Variants in SLC7A14 observed in about 807,000 individuals in gnomAD.
SLC7A14 encodes gamma-aminobutyric acid transporter SLC7A14.
In SLC7A14, 37 loss-of-function variants were observed where a neutral mutation model predicts 60.2. That is an observed-to-expected ratio of 0.61 (90% confidence interval 0.47 to 0.81). The LOEUF is 0.81. Among genes scored for constraint, SLC7A14 ranks in the 30% least tolerant of loss-of-function variants. The probability of loss-of-function intolerance (pLI) is 0.00; values close to 1 mark genes in which losing one functional copy is unlikely to be tolerated. For missense variants in SLC7A14, 886 were observed against 982.7 expected, an observed-to-expected ratio of 0.90 and a Z score of 1.32; for synonymous variants, 399 against 395.8, an observed-to-expected ratio of 1.01 and a Z score of -0.10.
intron 2 of SLC7A14, among the ~76,000 whole-genome samples, chr3:170,510,438 C>G (rs1712943829): frequency 6.6e-6 from 1 of 151,486 alleles, no homozygotes; most frequent in Non-Finnish European, 1.5e-5. Flanking sequence ...TGTAACCAAC[C>G]TATCTGTTTA....
chr3:170,498,676 G>A lies in SLC7A14; in HGVS notation c.750C>T (p.Gly250=). ...TTTGGAACAAACTTACCCCTGACCA[G>A]CCGTGGGGCAAGAACTGGCCCTCCG... ...YWAEGQFLPH[G]WSGVLQGAAT... Residue 250 remains glycine (G), a synonymous_variant, in exon 4 of 8, where the codon GGC becomes GGT. Coordinates refer to ENST00000231706, the MANE Select transcript of SLC7A14 (RefSeq NM_020949.3). 1.2e-6 allele frequency: 2 copies of A among 1,614,156 alleles called. No individual in the cohort carries two copies. Among genetic ancestry groups the A allele is most frequent in the South Asian group, 1.1e-5 (1 of 91,082 alleles).
At chr3:170,559,780 T>C (rs1272981266) in intron 1 of SLC7A14, among the ~76,000 whole-genome samples, 1 of 152,236 alleles carries the variant, frequency 6.6e-6, no homozygotes, top group Non-Finnish European at 1.5e-5. Flanking sequence ...TGGGAAGTTA[T>C]ACTGCAGTTG....
chr3:170,463,426 T>C lies in SLC7A14; in HGVS notation c.*3629A>G, dbSNP rs1157401359. Reference sequence around the variant, plus strand: ...ACCTTTCCAGAGGAAGAAGGCCTTCTTCATATTTGACCCCCCACAGCACAT... The same window carrying C: ...ACCTTTCCAGAGGAAGAAGGCCTTCCTCATATTTGACCCCCCACAGCACAT... On this transcript the variant is annotated 3_prime_UTR_variant, in exon 8 of 8. Coordinates refer to ENST00000231706, the MANE Select transcript of SLC7A14 (RefSeq NM_020949.3). 2 of 152,198 alleles carry C rather than the reference T, an allele frequency of 1.3e-5. No homozygotes were observed. Among genetic ancestry groups the C allele is most frequent in the African/African-American group, 4.8e-5 (2 of 41,438 alleles). The allele number at this position is 152,198 out of a possible 1,614,324, so 9.4% of individuals were successfully genotyped here.
chr3:170,466,659 C>T lies in SLC7A14; in HGVS notation c.*396G>A, dbSNP rs1177835704. The T allele has an allele frequency of 1.2e-5, 2 of 162,852 alleles. No homozygotes were observed. The highest frequency in any genetic ancestry group is 2.7e-5 in the Non-Finnish European group (2 of 75,284). The allele number at this position is 162,852 out of a possible 1,614,324, so 10.1% of individuals were successfully genotyped here. On this transcript the variant is annotated 3_prime_UTR_variant, in exon 8 of 8. Coordinates refer to ENST00000231706, the MANE Select transcript of SLC7A14 (RefSeq NM_020949.3). ...CCTCGGGGAGCAGCACTCAGCCTGA[C>T]ATGCCAAGAACAGAGCTTTGTCCCC...
intron 1 of SLC7A14, among the ~76,000 whole-genome samples, chr3:170,558,882 C>T (rs1714560730): frequency 6.6e-6 from 1 of 152,108 alleles, no homozygotes; most frequent in South Asian, 2.1e-4. Context: ...AAGAGGTGGT[C>T]ATTCCTTCCT....
chr3:170,562,762 A>T (rs1483021173), intron 1 of SLC7A14, among the ~76,000 whole-genome samples: 2 of 151,976 alleles, frequency 1.3e-5, no homozygotes, highest in Non-Finnish European at 2.9e-5. Context: ...TTATTATTCC[A>T]TTTCTTTTTT....
rs945150830 is a variant in SLC7A14, at chr3:170,461,762, G to A, written c.*5293C>T. On this transcript the variant is annotated 3_prime_UTR_variant, in exon 8 of 8. Coordinates refer to ENST00000231706, the MANE Select transcript of SLC7A14 (RefSeq NM_020949.3). ...CCTCTCTCTCTTAGGATCTCCAGAG[G>A]TCTTTGCAGACACGTGGGTCCTCAG... The A allele has an allele frequency of 6.6e-6, 1 of 152,196 alleles. No individual in the cohort carries two copies. Among genetic ancestry groups the A allele is most frequent in the African/African-American group, 2.4e-5 (1 of 41,414 alleles). 9.4% of individuals were successfully genotyped at this position (152,196 alleles called of 1,614,324 possible). A position where few individuals can be genotyped will look rare whatever the true frequency, so the allele number is the denominator to read the frequency against.
intron 1 of SLC7A14, among the ~76,000 whole-genome samples, chr3:170,538,592 A>C (rs1713918674): frequency 6.6e-6 from 1 of 152,164 alleles, no homozygotes; most frequent in Non-Finnish European, 1.5e-5. Flanking sequence ...ACTCCAACAC[A>C]CCCAGCCTCA....
chr3:170,496,290 G>A (rs1353605758), intron 4 of SLC7A14: 30 of 978,440 alleles, frequency 3.1e-5, no homozygotes, highest in Non-Finnish European at 5.0e-5. Flanking sequence ...GATCAAGTAT[G>A]CAGAGCTGCA....
rs529277743 is a variant in SLC7A14 at position 170,568,900 on chromosome 3, G to T, written c.-153+17011C>A. Among the ~76,000 whole-genome samples the T allele has an allele frequency of 7.7e-4, 118 of 152,322 alleles. 1 individual carries two copies. The highest frequency in any genetic ancestry group is 2.8e-3 in the African/African-American group (115 of 41,572). On this transcript the variant is annotated intron_variant, in intron 1 of 7. Coordinates refer to ENST00000231706, the MANE Select transcript of SLC7A14 (RefSeq NM_020949.3). ...TGCTGAAGTTGCTTATCAGCTTAAG[G>T]AGATTTTGGGCTGAGACAGTGGGAT...
intron 4 of SLC7A14, among the ~76,000 whole-genome samples, chr3:170,487,431 G>A (rs376360396): frequency 9.9e-5 from 15 of 151,838 alleles, no homozygotes; most frequent in African/African-American, 3.4e-4. Context: ...GAGGGAAAAA[G>A]AAGCAAGCCC....
intron 6 of SLC7A14, among the ~76,000 whole-genome samples, chr3:170,482,133 C>G (rs1167496261): frequency 6.6e-6 from 1 of 152,178 alleles, no homozygotes; most frequent in African/African-American, 2.4e-5. Context: ...TAGTTACTGA[C>G]TGAAGAAGAG....
intron 2 of SLC7A14, among the ~76,000 whole-genome samples, chr3:170,512,019 T>C (rs756888815): frequency 6.6e-6 from 1 of 152,162 alleles, no homozygotes; most frequent in Non-Finnish European, 1.5e-5. Context: ...GAAAGGAGAC[T>C]TGGAGCTGAA....
At chr3:170,566,758 G>A (rs1267212934) in intron 1 of SLC7A14, among the ~76,000 whole-genome samples, 1 of 151,584 alleles carries the variant, frequency 6.6e-6, no homozygotes, top group Non-Finnish European at 1.5e-5. Flanking sequence ...TAAGAAAACT[G>A]CAAGCAGCTG....
At chr3:170,583,773 A>T (rs1314937458) in intron 1 of SLC7A14, among the ~76,000 whole-genome samples, 3 of 152,236 alleles carry the variant, frequency 2.0e-5, no homozygotes, top group Non-Finnish European at 2.9e-5. Context: ...TGTTTCCATA[A>T]TATTGGAGCT....
At chr3:170,483,061 A>G (rs1329068365) in intron 6 of SLC7A14, among the ~76,000 whole-genome samples, 3 of 152,038 alleles carry the variant, frequency 2.0e-5, no homozygotes, top group African/African-American at 4.8e-5. Flanking sequence ...GGAGCACGCA[A>G]TGTCGACAGG....
chr3:170,525,243 C>T (rs2108292872), intron 2 of SLC7A14, among the ~76,000 whole-genome samples: 1 of 152,276 alleles, frequency 6.6e-6, no homozygotes, highest in Admixed American at 6.5e-5. Flanking sequence ...GTCCATTGGC[C>T]TACTCCAGCA....
Position 170,526,691 on chromosome 3 carries a change from C to T in SLC7A14, c.246G>A (p.Met82Ile), listed in dbSNP as rs2108293675. The T allele has an allele frequency of 1.2e-6, 2 of 1,614,242 alleles. No individual in the cohort carries two copies. The highest frequency in any genetic ancestry group is 1.7e-6 in the Non-Finnish European group (2 of 1,180,054). ...AGGACACAATGACACCAGGTCCTGC[C>T]ATTTCCTTGGCCACCAGGCCAGAGA... The part of the protein sequence containing the change: ...YVVSGLVAKE[M>I]AGPGVIVSFI... Residue 82 changes from methionine to isoleucine, a missense_variant, in exon 2 of 8, where the codon ATG becomes ATA. By Grantham distance (10) the Met-to-Ile change is conservative. Coordinates refer to ENST00000231706, the MANE Select transcript of SLC7A14 (RefSeq NM_020949.3).
chr3:170,566,947 T>A (rs1714807870), intron 1 of SLC7A14, among the ~76,000 whole-genome samples: 1 of 152,146 alleles, frequency 6.6e-6, no homozygotes, highest in Admixed American at 6.5e-5. Context: ...TTCTACAAGT[T>A]ACACCTTAAA....
Sources: allele counts gnomAD v4.1 joint callset (sites outside exome capture counted in the v4.1 genomes callset), GRCh38; gene constraint gnomAD v4.1.1; transcripts MANE v1.5; gene names NCBI Gene and HGNC (gene_info 2026-07-23, HGNC 2026-07-21).